Variants in CACNB4 observed in about 807,000 individuals in gnomAD.
CACNB4 encodes calcium voltage-gated channel auxiliary subunit beta 4, also known as voltage-dependent L-type calcium channel subunit beta-4.
CACNB4 carries 32 observed loss-of-function variants against 71.2 expected under a neutral mutation model. The ratio of observed to expected loss-of-function variants is 0.45; its 90% CI spans 0.34 to 0.60. CACNB4 has a LOEUF of 0.60. CACNB4 is among the 20% of genes least tolerant of loss of function. The pLI is 0.01. For synonymous variants in CACNB4, 231 were observed against 236.9 expected (o/e 0.97, Z 0.23); for missense variants, 464 against 647.9 (o/e 0.72, Z 3.08).
intron 2 of CACNB4, among the ~76,000 whole-genome samples, chr2:151,884,506 C>T (rs1387058295): frequency 4.0e-5 from 6 of 148,652 alleles, no homozygotes; most frequent in African/African-American, 7.4e-5. Context: ...TGGTGGCGGG[C>T]GCCTGTAGTC....
chr2:152,085,992 C>T (rs1456549438), intron 2 of CACNB4, among the ~76,000 whole-genome samples: 2 of 151,984 alleles, frequency 1.3e-5, no homozygotes, highest in Non-Finnish European at 2.9e-5. Flanking sequence ...CAACAATTAG[C>T]ACTCTTTGGT....
chr2:151,982,415 C>T (rs1236263373), intron 2 of CACNB4, among the ~76,000 whole-genome samples: 4 of 151,982 alleles, frequency 2.6e-5, no homozygotes, highest in East Asian at 3.9e-4. Flanking sequence ...GGGCAGATCA[C>T]GAGGTCAGGA....
chr2:151,941,379 T>TCAAGCAATTCTCCTGCCTC (rs1225590828), intron 2 of CACNB4, among the ~76,000 whole-genome samples: 19 of 151,214 alleles, frequency 1.3e-4, no homozygotes, highest in Admixed American at 5.9e-4. Flanking sequence ...CCTCCTGGGT[T>TCAAGCAATTCTCCTGCCTC]CAAGCAATTC....
chr2:152,083,333 C>CAAGGAAGG (rs529138391), intron 2 of CACNB4, among the ~76,000 whole-genome samples: 2 of 131,500 alleles, frequency 1.5e-5, no homozygotes, highest in African/African-American at 3.2e-5. Flanking sequence ...GCAAGGAAAG[C>CAAGGAAGG]AAGGAAGGAA....
At chr2:152,044,384 C>T (rs1399066010) in intron 2 of CACNB4, among the ~76,000 whole-genome samples, 1 of 152,088 alleles carries the variant, frequency 6.6e-6, no homozygotes, top group Non-Finnish European at 1.5e-5. Context: ...CCATGCATGG[C>T]TGATTTTTGT....
chr2:152,058,990 C>T (rs546812926), intron 2 of CACNB4, among the ~76,000 whole-genome samples: 85 of 152,376 alleles, frequency 5.6e-4, no homozygotes, highest in Non-Finnish European at 4.7e-4. Flanking sequence ...AGTCCCAAGC[C>T]TTGGCAGCTT....
chr2:151,884,861 T>C (rs1200165691), intron 2 of CACNB4, among the ~76,000 whole-genome samples: 1 of 152,198 alleles, frequency 6.6e-6, no homozygotes, highest in African/African-American at 2.4e-5. Flanking sequence ...AGGACTGGTG[T>C]ATTTGATTAT....
chr2:151,925,888 G>C (rs955903728), intron 2 of CACNB4, among the ~76,000 whole-genome samples: 1 of 152,138 alleles, frequency 6.6e-6, no homozygotes, highest in African/African-American at 2.4e-5. Context: ...CAAGGTGTTT[G>C]ACCCAAGCAA....
chr2:151,891,260 G>A lies in CACNB4; in HGVS notation c.148-7890C>T, dbSNP rs564465912. Among the ~76,000 whole-genome samples the A allele has an allele frequency of 2.7e-4, 41 of 152,236 alleles. 1 individual carries two copies. In the South Asian group the frequency reaches 2.9e-3, roughly 11 times the overall value. ...AGGAGACCCATGAATGGAGATAACA[G>A]CAGAAGAATTTTAATTGACCCCACA... On this transcript the variant is annotated intron_variant, in intron 2 of 13. Coordinates refer to ENST00000539935, the MANE Select transcript of CACNB4 (RefSeq NM_000726.5).
chr2:152,005,270 C>A (rs751481941), intron 2 of CACNB4, among the ~76,000 whole-genome samples: 1 of 152,180 alleles, frequency 6.6e-6, no homozygotes, highest in South Asian at 2.1e-4. Flanking sequence ...TGGACTCAAC[C>A]TACATGCCCA....
chr2:151,918,302 A>C (rs1375609301), intron 2 of CACNB4, among the ~76,000 whole-genome samples: 1 of 152,246 alleles, frequency 6.6e-6, no homozygotes, highest in Non-Finnish European at 1.5e-5. Context: ...CAGGTAGGAC[A>C]CCATGGGAGT....
intron 2 of CACNB4, among the ~76,000 whole-genome samples, chr2:152,051,845 G>A (rs545008748): frequency 2.0e-5 from 3 of 152,186 alleles, no homozygotes; most frequent in South Asian, 2.1e-4. Flanking sequence ...ATCACTAACC[G>A]TTCTGTCTCT....
chr2:152,005,944 TAGTC>T (rs1682698710), intron 2 of CACNB4, among the ~76,000 whole-genome samples: 1 of 152,232 alleles, frequency 6.6e-6, no homozygotes, highest in South Asian at 2.1e-4. Flanking sequence ...GCCTGGCACA[TAGTC>T]AGCATTCAAC....
chr2:151,977,778 C>T (rs1490578708), intron 2 of CACNB4, among the ~76,000 whole-genome samples: 4 of 152,214 alleles, frequency 2.6e-5, no homozygotes, highest in Non-Finnish European at 4.4e-5. Context: ...TATAGCAGAA[C>T]TGCAAGAACT....
chr2:151,976,435 GA>G (rs2099873818), intron 2 of CACNB4, among the ~76,000 whole-genome samples: 1 of 152,214 alleles, frequency 6.6e-6, no homozygotes, highest in Admixed American at 6.5e-5. Flanking sequence ...TGGTGAAATA[GA>G]GAGAAGTCAC....
chr2:151,840,009 T>C (rs570543788), intron 13 of CACNB4, among the ~76,000 whole-genome samples: 6 of 152,336 alleles, frequency 3.9e-5, no homozygotes, highest in African/African-American at 1.2e-4. Context: ...TCCTGCAAAA[T>C]AATCTTCCAA....
intron 2 of CACNB4, among the ~76,000 whole-genome samples, chr2:152,022,778 C>A (rs3845845): frequency 6.6e-6 from 1 of 151,922 alleles, no homozygotes; most frequent in Non-Finnish European, 1.5e-5. Context: ...TCCACAGCAC[C>A]CCCATCACCT....
chr2:151,971,638 C>T (rs1169976562), intron 2 of CACNB4: 10 of 702,630 alleles, frequency 1.4e-5, no homozygotes, highest in Non-Finnish European at 1.8e-5. Context: ...GCTATTTAGG[C>T]CTAGTCTTCT....
chr2:152,028,368 T>C (rs562083843), intron 2 of CACNB4, among the ~76,000 whole-genome samples: 2 of 152,308 alleles, frequency 1.3e-5, no homozygotes, highest in Admixed American at 6.5e-5. Context: ...CAGATTTACA[T>C]GTGCCCCGAA....
Sources: gnomAD v4.1 joint callset for allele counts (sites outside exome capture counted in the v4.1 genomes callset) on GRCh38, gnomAD v4.1.1 for gene constraint, MANE v1.5 for transcripts, NCBI Gene and HGNC (gene_info 2026-07-23, HGNC 2026-07-21) for gene names.